Variants in GK5 observed in about 807,000 individuals in gnomAD.
GK5 encodes glycerol kinase 5.
In GK5, 39 loss-of-function variants were observed where a neutral mutation model predicts 77.3. The ratio of observed to expected loss-of-function variants is 0.50; its 90% confidence interval spans 0.39 to 0.66. The LOEUF (loss-of-function observed/expected upper bound fraction) is 0.66, where lower values mean the gene tolerates loss of function less well. GK5 is among the 30% of genes least tolerant of loss of function. GK5 has a pLI of 0.00. For synonymous variants in GK5, 211 were observed against 208.0 expected (o/e 1.01, Z -0.13); for missense variants, 487 against 633.8 (o/e 0.77, Z 2.49).
At chr3:142,171,334 T>TA in intron 14 of GK5, 85 bp downstream of exon 14, 1 of 1,239,012 alleles carries the variant, frequency 8.1e-7, no homozygotes, top group Non-Finnish European at 1.1e-6. Context: ...ATTCAGGATC[T>TA]AAAAAAGAAA....
chr3:142,176,635 A>C (rs1425928991), intron 12 of GK5, among the ~76,000 whole-genome samples: 1 of 151,710 alleles, frequency 6.6e-6, no homozygotes, highest in African/African-American at 2.4e-5. Context: ...CTCCACCACA[A>C]CAATTAATGA....
rs1312557083 is a variant in GK5 at position 142,225,497 on chromosome 3, G to A, written c.-42C>T. The A allele has an allele frequency of 1.3e-6, 2 of 1,585,134 alleles. No individual in the cohort carries two copies. The highest frequency in any genetic ancestry group is 1.7e-6 in the Non-Finnish European group (2 of 1,172,978). ...TCTCCGCTACAGCCGCCTACCCAGA[G>A]GGCGCGCTACAAATCCCAATGCTCC... On this transcript the variant is annotated 5_prime_UTR_variant, in exon 1 of 16. Coordinates refer to ENST00000392993, the MANE Select transcript of GK5 (RefSeq NM_001039547.3).
chr3:142,165,203 T>C lies in GK5; in HGVS notation c.*419A>G, dbSNP rs899808872. ...GCTATATGTACTTCAAATAGCCCAC[T>C]TAAAGAATTAAAGAAATACGTTTCA... On this transcript the variant is annotated 3_prime_UTR_variant, in exon 16 of 16. Transcript: ENST00000392993. 3 of 154,090 alleles carry C rather than the reference T, an allele frequency of 1.9e-5. No individual in the cohort carries two copies. Among genetic ancestry groups the C allele is most frequent in the African/African-American group, 4.8e-5 (2 of 41,544 alleles). 9.5% of individuals were successfully genotyped at this position (154,090 alleles called of 1,614,324 possible). A position where few individuals can be genotyped will look rare whatever the true frequency, so the allele number is the denominator to read the frequency against.
chr3:142,189,345 C>T (rs1016866205), intron 5 of GK5, among the ~76,000 whole-genome samples: 4 of 152,076 alleles, frequency 2.6e-5, no homozygotes, highest in African/African-American at 9.7e-5. Context: ...GTTCCAAAAA[C>T]GAGGTCATTT....
intron 4 of GK5, chr3:142,204,321 T>C (rs971429083): frequency 4.3e-5 from 13 of 303,418 alleles, no homozygotes; most frequent in Non-Finnish European, 8.3e-5. Flanking sequence ...CCTGTAATGA[T>C]AAGAGCTTCT....
chr3:142,173,063 G>A (rs2063559679), intron 12 of GK5: 1 of 307,102 alleles, frequency 3.3e-6, no homozygotes, highest in Admixed American at 3.9e-5. Flanking sequence ...TATTAGCTGG[G>A]TGTGATACAC....
Position 142,159,052 on chromosome 3 carries a change from A to T in GK5, c.*6570T>A, listed in dbSNP as rs879579369. The T allele has an allele frequency of 6.6e-6, 1 of 152,236 alleles. No individual in the cohort carries two copies. The highest frequency in any genetic ancestry group is 1.5e-5 in the Non-Finnish European group (1 of 68,038). The allele number at this position is 152,236 out of a possible 1,614,324, so 9.4% of individuals were successfully genotyped here. Reference sequence around the variant, plus strand: ...AAAACTTTAAAAAAGATATTTAAAGATATGGCTCATTAAGCAAACATTTAG... The same window carrying T: ...AAAACTTTAAAAAAGATATTTAAAGTTATGGCTCATTAAGCAAACATTTAG... On this transcript the variant is annotated 3_prime_UTR_variant, in exon 16 of 16. Transcript: ENST00000392993.
intron 9 of GK5, chr3:142,185,151 G>A: frequency 1.0e-5 from 10 of 977,168 alleles, no homozygotes; most frequent in Non-Finnish European, 1.2e-5. Context: ...AGTGACTCAT[G>A]CCTGTAGTCC....
intron 5 of GK5, among the ~76,000 whole-genome samples, chr3:142,195,278 A>G (rs1160023996): frequency 6.6e-6 from 1 of 152,148 alleles, no homozygotes; most frequent in African/African-American, 2.4e-5. Context: ...TAGTCATGAT[A>G]TATAATCCTT....
chr3:142,165,817 C>T (rs912257154), intron 15 of GK5, 47 bp from the exon 16 acceptor site: 1 of 1,361,378 alleles, frequency 7.3e-7, no homozygotes, highest in Non-Finnish European at 1.0e-6. Context: ...AATCATGAGT[C>T]CAATAAAGTT....
intron 3 of GK5, among the ~76,000 whole-genome samples, chr3:142,213,025 G>A (rs949249826): frequency 2.4e-4 from 36 of 151,442 alleles, no homozygotes; most frequent in Middle Eastern, 3.4e-3. Flanking sequence ...TAGTAGAGAC[G>A]GGGTTTCACC....
In GK5 at chr3:142,225,549, C is replaced by G. The variant is rs188464445; in HGVS notation, c.-94G>C. On this transcript the variant is annotated 5_prime_UTR_variant, in exon 1 of 16. Transcript: ENST00000392993. ...GAGTCCCCGGGCGGCCCAACCCGGG[C>G]CCCAACCCGGCTCAGCCGGAGAGCC... The G allele has an allele frequency of 7.6e-6, 11 of 1,452,744 alleles. No homozygotes were observed. Among genetic ancestry groups the G allele is most frequent in the East Asian group, 5.4e-5 (2 of 37,142 alleles). 90.0% of individuals were successfully genotyped at this position (1,452,744 alleles called of 1,614,324 possible).
At chr3:142,182,407 C>T (rs896544953) in intron 10 of GK5, among the ~76,000 whole-genome samples, 14 of 151,838 alleles carry the variant, frequency 9.2e-5, no homozygotes, top group East Asian at 1.9e-4. Context: ...TGCAGTGGCG[C>T]GATCTTGGCT....
intron 11 of GK5, among the ~76,000 whole-genome samples, chr3:142,180,465 G>C (rs1419191935): frequency 3.3e-5 from 5 of 151,982 alleles, no homozygotes; most frequent in Non-Finnish European, 7.4e-5. Flanking sequence ...ACCATGCCCG[G>C]CTAATTTTGT....
chr3:142,210,166 A>G (rs2064172231), intron 3 of GK5, among the ~76,000 whole-genome samples: 1 of 152,192 alleles, frequency 6.6e-6, no homozygotes, highest in Non-Finnish European at 1.5e-5. Flanking sequence ...GGAGAAAAAC[A>G]AAAAGAAAGT....
At chr3:142,173,765 A>G (rs1402275456) in intron 12 of GK5, among the ~76,000 whole-genome samples, 1 of 152,180 alleles carries the variant, frequency 6.6e-6, no homozygotes, top group Non-Finnish European at 1.5e-5. Flanking sequence ...TCACAGTCTC[A>G]CAAGGAAACA....
In GK5 at chr3:142,186,454, T is replaced by TGA. The variant is rs1247917433; in HGVS notation, c.678_679insTC (p.Lys227SerfsTer8). ...AAAGAAGAAAAAAAAATTTTTACCT[T>TGA]ATATGGGTCAAAAAGTCCAGTTGTA... On this transcript the variant is annotated frameshift_variant, in exon 7 of 16. Coordinates refer to ENST00000392993, the MANE Select transcript of GK5 (RefSeq NM_001039547.3). LOFTEE classifies it high-confidence loss of function. The TGA allele has an allele frequency of 1.9e-6, 3 of 1,541,198 alleles. No homozygotes were observed. Among genetic ancestry groups the TGA allele is most frequent in the Non-Finnish European group, 2.6e-6 (3 of 1,137,546 alleles).
intron 1 of GK5, among the ~76,000 whole-genome samples, chr3:142,218,786 A>G (rs1006591549): frequency 1.1e-4 from 16 of 152,326 alleles, no homozygotes; most frequent in Admixed American, 1.0e-3. Flanking sequence ...TGCAAAAGAT[A>G]CTGTTAAGAA....
Position 142,198,036 on chromosome 3 carries a change from A to AT in GK5, c.543+765_543+766insA, listed in dbSNP as rs766103161. On this transcript the variant is annotated intron_variant, in intron 5 of 15. Coordinates refer to ENST00000392993, the MANE Select transcript of GK5 (RefSeq NM_001039547.3). ...GACTCTGTCTCAAAAAAAAAAAAAA[A>AT]GGTGAAGATATATATACACATTCAT... Among the ~76,000 whole-genome samples the AT allele has an allele frequency of 9.5e-4, 144 of 151,766 alleles. 3 individuals are homozygous for AT. The highest frequency in any genetic ancestry group is 3.1e-3 in the African/African-American group (128 of 41,436).
Sources: allele counts gnomAD v4.1 joint callset (sites outside exome capture counted in the v4.1 genomes callset), GRCh38; gene constraint gnomAD v4.1.1; transcripts MANE v1.5; gene names NCBI Gene and HGNC (gene_info 2026-07-23, HGNC 2026-07-21).